ZNF223: variants seen among roughly 807,000 people sequenced by gnomAD.
ZNF223 encodes the protein Homo sapiens zinc finger protein 223.
In ZNF223, 9 loss-of-function variants were observed where a neutral mutation model predicts 12.3. The observed-to-expected ratio is 0.73, with a 90% CI of 0.44 to 1.28. The LOEUF (loss-of-function observed/expected upper bound fraction) is 1.28, where lower values mean the gene tolerates loss of function less well. ZNF223 is among the 50% of genes most tolerant of loss of function. ZNF223 has a pLI of 0.00. For missense variants in ZNF223, 506 were observed against 579.0 expected (o/e 0.87, Z 1.29); for synonymous variants, 171 against 195.2 (o/e 0.88, Z 1.03).
At position 44,066,991 on chromosome 19, in the gene ZNF223, AC is replaced by A. The variant is rs1392993963; in HGVS notation, c.1164del (p.Leu389CysfsTer28). On this transcript the variant is annotated frameshift_variant, in exon 5 of 5. Coordinates refer to ENST00000434772, the MANE Select transcript of ZNF223 (RefSeq NM_013361.6). LOFTEE classifies it low-confidence loss of function (END_TRUNC). Reference protein sequence around the residue: ...GKSYITKSGLDLHHRAHTGER... With the variant: ...GKSYITKSGLXLHHRAHTGER... ...AGCTACATTACTAAGTCAGGTCTTG[AC>A]TTGCACCATAGAGCCCACACAGGAG... is the stretch of plus-strand genomic sequence containing the variant. 6.2e-7 allele frequency: 1 copy of A among 1,613,016 alleles called. No individual in the cohort carries two copies. The highest frequency in any genetic ancestry group is 1.3e-5 in the African/African-American group (1 of 74,872).
chr19:44,058,670 C>T (rs1007443151), intron 2 of ZNF223, among the ~76,000 whole-genome samples: 1 of 152,220 alleles, frequency 6.6e-6, no homozygotes. Flanking sequence ...GGGCTAAAAG[C>T]ACAGAGCACT....
chr19:44,054,400 T>C (rs1363859667), intron 1 of ZNF223, among the ~76,000 whole-genome samples: 1 of 152,114 alleles, frequency 6.6e-6, no homozygotes, highest in Non-Finnish European at 1.5e-5. Context: ...GGAAAATACA[T>C]TATTAGTGGG....
chr19:44,067,219 G>A lies in ZNF223; in HGVS notation c.1391G>A (p.Arg464His), dbSNP rs200433801. The A allele has an allele frequency of 2.5e-5, 40 of 1,607,312 alleles. No individual in the cohort carries two copies. Among genetic ancestry groups the A allele is most frequent in the Admixed American group, 5.2e-5 (3 of 58,238 alleles). ...NPSKCEDCGK[R>H]YKRRLNLDII... ...TCCAAATGTGAAGACTGTGGGAAGC[G>A]CTACAAGAGGCGCTTGAATCTTGAT... The change falls in exon 5 of 5, where the codon CGC becomes CAC. Residue 464 changes from arginine (R) to histidine (H), a missense_variant. By Grantham distance (29) the Arg-to-His change is conservative (BLOSUM62 0). Coordinates refer to ENST00000434772, the MANE Select transcript of ZNF223 (RefSeq NM_013361.6).
At position 44,060,139 on chromosome 19, in the gene ZNF223, G is replaced by A. The variant is rs554100009; in HGVS notation, c.16-316G>A. On this transcript the variant is annotated intron_variant, in intron 2 of 4. Coordinates refer to ENST00000434772, the MANE Select transcript of ZNF223 (RefSeq NM_013361.6). ...CACTGTCGCTGGGACTATTAGCAAG[G>A]TTCATTGAAACCTATATACGTGTAG... 2.1e-3 allele frequency among the ~76,000 whole-genome samples: 316 copies of A among 152,284 alleles called. 1 individual carries two copies. The highest frequency in any genetic ancestry group is 3.0e-3 in the Non-Finnish European group (205 of 68,028).
intron 3 of ZNF223, 46 bp from the exon 4 acceptor site, chr19:44,060,703 A>T: frequency 1.9e-6 from 3 of 1,613,648 alleles, no homozygotes; most frequent in African/African-American, 1.3e-5. Flanking sequence ...CCGTGATATT[A>T]TCTAGAATAT....
intron 2 of ZNF223, among the ~76,000 whole-genome samples, 165 bp downstream of exon 2, chr19:44,055,356 G>C (rs932246084): frequency 1.3e-5 from 2 of 152,010 alleles, no homozygotes; most frequent in African/African-American, 4.8e-5. Flanking sequence ...GTTTCATCAT[G>C]TTGGCCAGGC....
rs1225139170 is a variant in ZNF223 at position 44,067,115 on chromosome 19, A to G, written c.1287A>G (p.Lys429=). 1 of 1,613,312 alleles carries G rather than the reference A, an allele frequency of 6.2e-7. No individual in the cohort carries two copies. The highest frequency in any genetic ancestry group is 8.5e-7 in the Non-Finnish European group (1 of 1,179,898). Residue 429 remains lysine, a synonymous_variant, in exon 5 of 5, where the codon AAA becomes AAG. Transcript: ENST00000434772. Reference sequence around the variant, plus strand: ...TCCATTGCCGAAAAAAACCATTCAAATGTGAGGATTGTGGAAAGAAGCTTG... The same window carrying G: ...TCCATTGCCGAAAAAAACCATTCAAGTGTGAGGATTGTGGAAAGAAGCTTG... ...KRLHCRKKPF[K]CEDCGKKLVY...
In ZNF223 at chr19:44,066,293, A is replaced by G. The variant is rs150982200; in HGVS notation, c.465A>G (p.Gln155=). The change falls in exon 5 of 5, where the codon CAA becomes CAG. Residue 155 remains glutamine (Q), a synonymous_variant. Coordinates refer to ENST00000434772, the MANE Select transcript of ZNF223 (RefSeq NM_013361.6). ...CTTCCAATTGTGGGAAGTGTAAACAATCCTTCAGTGATATGTCCATCTTTG... is the reference window on the plus strand; with the variant it reads ...CTTCCAATTGTGGGAAGTGTAAACAGTCCTTCAGTGATATGTCCATCTTTG... The part of the protein sequence containing the change: ...QKPSNCGKCK[Q]SFSDMSIFDL... The G allele has an allele frequency of 3.7e-5, 60 of 1,614,104 alleles. No individual in the cohort carries two copies. The highest frequency in any genetic ancestry group is 2.3e-4 in the African/African-American group (17 of 74,948).
intron 1 of ZNF223, 137 bp downstream of exon 1, chr19:44,052,332 C>T (rs1313815929): frequency 6.6e-6 from 1 of 152,180 alleles, no homozygotes; most frequent in Non-Finnish European, 1.5e-5. Flanking sequence ...ACTTTGACCT[C>T]GCTCAGTCCG....
chr19:44,058,244 C>G (rs185590819), intron 2 of ZNF223, among the ~76,000 whole-genome samples: 11 of 151,594 alleles, frequency 7.3e-5, no homozygotes, highest in African/African-American at 2.7e-4. Flanking sequence ...GGGTCTGCAC[C>G]CCAACTGTCC....
intron 4 of ZNF223, among the ~76,000 whole-genome samples, chr19:44,063,962 T>C (rs1190313618): frequency 6.6e-6 from 1 of 152,210 alleles, no homozygotes; most frequent in Non-Finnish European, 1.5e-5. Flanking sequence ...TTTCAACCTT[T>C]GGAACTTAAC....
intron 4 of ZNF223, 54 bp downstream of exon 4, chr19:44,060,895 C>G: frequency 6.7e-7 from 1 of 1,500,578 alleles, no homozygotes; most frequent in South Asian, 1.2e-5. Context: ...TGTTTTACTT[C>G]TGTGCACGTC....
upstream of ZNF223, chr19:44,051,963 G>T (rs142121474): frequency 3.3e-5 from 5 of 152,304 alleles, no homozygotes; most frequent in South Asian, 2.1e-4. Context: ...TTTGGCTCAG[G>T]GGGGCGGGTC....
At position 44,066,655 on chromosome 19, in the gene ZNF223, A is replaced by G. The variant is rs750855475; in HGVS notation, c.827A>G (p.Gln276Arg). Residue 276 changes from glutamine to arginine, a missense_variant, in exon 5 of 5, where the codon CAG becomes CGG. By Grantham distance (43) the Gln-to-Arg change is conservative. Transcript: ENST00000434772. ...GCCTTCATTCATGATTTCCAGCTTC[A>G]GAAACATCAGAGAATTCACACAGGG... Reference protein sequence around the residue: ...GRAFIHDFQLQKHQRIHTGEK... With the variant: ...GRAFIHDFQLRKHQRIHTGEK... 1.2e-6 allele frequency: 2 copies of G among 1,614,244 alleles called. No homozygotes were observed. The highest frequency in any genetic ancestry group is 1.7e-6 in the Non-Finnish European group (2 of 1,180,052).
chr19:44,056,585 A>ATTTTTTTTTTTTTTTTTTTTTT (rs775187674), intron 2 of ZNF223, among the ~76,000 whole-genome samples: 11 of 72,158 alleles, frequency 1.5e-4, no homozygotes, highest in African/African-American at 7.4e-4. Context: ...ATGCCTCACC[A>ATTTTTTTTTTTTTTTTTTTTTT]TTTTTTTTTT....
At chr19:44,056,890 C>T (rs889594077) in intron 2 of ZNF223, among the ~76,000 whole-genome samples, 1 of 151,970 alleles carries the variant, frequency 6.6e-6, no homozygotes. Context: ...CCACCGTGCC[C>T]GGCCCGCCTC....
At chr19:44,056,244 G>A (rs1360620358) in intron 2 of ZNF223, among the ~76,000 whole-genome samples, 3 of 151,156 alleles carry the variant, frequency 2.0e-5, no homozygotes, top group African/African-American at 4.9e-5. Flanking sequence ...GGCTGGGCGC[G>A]GTGGCTCACA....
chr19:44,051,875 C>T (rs1384306927), upstream of ZNF223: 2 of 152,152 alleles, frequency 1.3e-5, no homozygotes, highest in East Asian at 1.9e-4. Context: ...TCGTGGAACA[C>T]TGGGTATTTT....
intron 2 of ZNF223, among the ~76,000 whole-genome samples, chr19:44,056,377 AAAAAAAT>A (rs1168556296): frequency 1.8e-4 from 26 of 147,274 alleles, no homozygotes; most frequent in Admixed American, 1.7e-3. Flanking sequence ...AAAAAAAAAA[AAAAAAAT>A]TAGCCGGGCG....
Sources: allele counts gnomAD v4.1 joint callset (sites outside exome capture counted in the v4.1 genomes callset), GRCh38; gene constraint gnomAD v4.1.1; transcripts MANE v1.5; gene names NCBI Gene and HGNC (gene_info 2026-07-23, HGNC 2026-07-21).